Variants in BCAS1 observed in about 807,000 individuals in gnomAD.
BCAS1 encodes the protein brain enriched myelin associated protein 1.
In BCAS1, 46 loss-of-function variants were observed where a neutral mutation model predicts 65.4. The observed-to-expected ratio is 0.70, with a 90% CI of 0.55 to 0.90. The LOEUF (loss-of-function observed/expected upper bound fraction) is 0.90, where lower values mean the gene tolerates loss of function less well. Ranked by LOEUF, BCAS1 falls within the 40% of genes least tolerant of loss-of-function variation. The pLI is 0.00. For missense variants in BCAS1, 793 were observed against 771.2 expected (o/e 1.03, Z -0.33); for synonymous variants, 298 against 293.5 (o/e 1.02, Z -0.16).
chr20:54,058,668 T>G lies in BCAS1; in HGVS notation c.51A>C (p.Glu17Asp), dbSNP rs753741280. ...CTACCTGGTAAGTCTCTGCTTCTGG[T>G]TCATTCTCTTGGTCTTCAACTCTTT... ...VPQRVEDQEN[E>D]PEAETYQDNA... The change falls in exon 2 of 13, where the codon GAA (glutamate) becomes GAC (aspartate). Residue 17 changes from glutamate to aspartate, a missense_variant. By Grantham distance (45) the Glu-to-Asp change is conservative. Transcript: ENST00000688948. 6.2e-7 allele frequency: 1 copy of G among 1,607,480 alleles called. No individual in the cohort carries two copies. The highest frequency in any genetic ancestry group is 2.2e-5 in the East Asian group (1 of 44,602).
At chr20:54,051,605 C>T (rs2092213532) in intron 3 of BCAS1, among the ~76,000 whole-genome samples, 1 of 152,226 alleles carries the variant, frequency 6.6e-6, no homozygotes, top group Admixed American at 6.5e-5. Context: ...AGCAAAAGAA[C>T]TGGTTGAGCA....
intron 5 of BCAS1, 63 bp downstream of exon 5, chr20:53,995,829 T>C: frequency 6.8e-7 from 1 of 1,477,158 alleles, no homozygotes; most frequent in Non-Finnish European, 9.1e-7. Flanking sequence ...TGTGCATTAT[T>C]CTTAGAATTA....
chr20:53,969,354 C>T (rs1021680954), intron 9 of BCAS1, among the ~76,000 whole-genome samples: 5 of 151,996 alleles, frequency 3.3e-5, no homozygotes, highest in Admixed American at 3.3e-4. Context: ...ATGCACATAT[C>T]CAATATTTAG....
intron 3 of BCAS1, among the ~76,000 whole-genome samples, chr20:54,049,270 A>C (rs1245422494): frequency 6.6e-6 from 1 of 152,236 alleles, no homozygotes. Context: ...AGGAGCAAAA[A>C]AGGAAAATAC....
At position 53,953,435 on chromosome 20, in the gene BCAS1, G is replaced by A; in HGVS notation, c.1812C>T (p.Gly604=). Residue 604 remains glycine, a synonymous_variant, in exon 12 of 13, where the codon GGC becomes GGT. Transcript: ENST00000688948. Reference sequence around the variant, plus strand: ...GAGGCAAAAAAAATCCACCTACCAGGCCTTTAAAGAAGCCCCCAAGGGACT... The same window carrying A: ...GAGGCAAAAAAAATCCACCTACCAGACCTTTAAAGAAGCCCCCAAGGGACT... ...RQQSLGGFFK[G]LGPKRMLDAQ... is the part of the protein sequence containing the mutation. 1 of 1,613,838 alleles carries A rather than the reference G, an allele frequency of 6.2e-7. No individual in the cohort carries two copies. The highest frequency in any genetic ancestry group is 8.5e-7 in the Non-Finnish European group (1 of 1,179,986).
intron 4 of BCAS1, among the ~76,000 whole-genome samples, chr20:54,009,191 T>C (rs998291942): frequency 1.3e-5 from 2 of 151,840 alleles, no homozygotes; most frequent in Non-Finnish European, 1.5e-5. Flanking sequence ...AATGAAAAAA[T>C]AGAAAGCCCC....
At chr20:54,057,812 G>A (rs1862913110) in intron 3 of BCAS1, among the ~76,000 whole-genome samples, 1 of 152,224 alleles carries the variant, frequency 6.6e-6, no homozygotes. Context: ...GCCAATGAGA[G>A]GGGCGTGGAA....
At chr20:53,989,321 A>C (rs1477639) in intron 7 of BCAS1, among the ~76,000 whole-genome samples, 21,343 of 152,084 alleles carry the variant, frequency 0.14, 1,732 homozygotes, top group South Asian at 0.21. Flanking sequence ...CAAGGGCATG[A>C]CCCTACTACA....
intron 3 of BCAS1, among the ~76,000 whole-genome samples, chr20:54,051,721 T>TTTTTG (rs1555881094): frequency 1.4e-4 from 20 of 138,000 alleles, no homozygotes; most frequent in African/African-American, 4.7e-4. Flanking sequence ...CTGGTTTTTT[T>TTTTTG]TTTGTTTGTT....
intron 1 of BCAS1, among the ~76,000 whole-genome samples, chr20:54,063,424 C>G (rs2092399593): frequency 6.6e-6 from 1 of 152,202 alleles, no homozygotes; most frequent in Non-Finnish European, 1.5e-5. Flanking sequence ...ATGATCCTTG[C>G]TCTTTGAAGC....
chr20:53,979,346 C>T (rs1005296871), intron 8 of BCAS1, among the ~76,000 whole-genome samples: 1 of 152,126 alleles, frequency 6.6e-6, no homozygotes, highest in Non-Finnish European at 1.5e-5. Context: ...GTGCTGGTGG[C>T]TGGTAGAACA....
intron 10 of BCAS1, among the ~76,000 whole-genome samples, chr20:53,962,785 T>G (rs1015570454): frequency 6.6e-6 from 1 of 152,206 alleles, no homozygotes; most frequent in African/African-American, 2.4e-5. Context: ...AATGCACTGT[T>G]AGGACTTACA....
chr20:53,965,111 C>T (rs1470840968), intron 10 of BCAS1, among the ~76,000 whole-genome samples: 1 of 152,160 alleles, frequency 6.6e-6, no homozygotes, highest in Non-Finnish European at 1.5e-5. Flanking sequence ...TGCCAAATTG[C>T]AGATCAAATG....
chr20:54,011,287 A>C (rs188368049), intron 4 of BCAS1, among the ~76,000 whole-genome samples: 82 of 152,314 alleles, frequency 5.4e-4, no homozygotes, highest in Admixed American at 2.7e-3. Context: ...AAAAGATGAA[A>C]AGAGAAACTA....
At chr20:54,057,116 A>C (rs916443298) in intron 3 of BCAS1, among the ~76,000 whole-genome samples, 2 of 152,204 alleles carry the variant, frequency 1.3e-5, no homozygotes, top group African/African-American at 4.8e-5. Flanking sequence ...ACCACCCTGG[A>C]AGCATTGAAT....
chr20:54,010,383 T>C (rs1219222450), intron 4 of BCAS1, among the ~76,000 whole-genome samples: 5 of 152,238 alleles, frequency 3.3e-5, no homozygotes, highest in Non-Finnish European at 7.4e-5. Flanking sequence ...GAATTAATAA[T>C]TGAGTTCAGC....
intron 7 of BCAS1, among the ~76,000 whole-genome samples, chr20:53,987,869 G>C (rs1028732448): frequency 6.6e-6 from 1 of 152,156 alleles, no homozygotes; most frequent in African/African-American, 2.4e-5. Flanking sequence ...TCCACGCACA[G>C]GGAACAACTG....
chr20:54,026,351 G>T (rs2091673376), intron 4 of BCAS1, among the ~76,000 whole-genome samples: 1 of 152,158 alleles, frequency 6.6e-6, no homozygotes, highest in Non-Finnish European at 1.5e-5. Context: ...AAAGAAAGCT[G>T]AGTTAATAAA....
intron 1 of BCAS1, chr20:54,068,515 T>G (rs985620917): frequency 2.0e-5 from 3 of 153,368 alleles, no homozygotes; most frequent in African/African-American, 7.2e-5. Context: ...ACCCTTGCCC[T>G]GACCCTGGTG....
Sources: allele counts gnomAD v4.1 joint callset (sites outside exome capture counted in the v4.1 genomes callset), GRCh38; gene constraint gnomAD v4.1.1; transcripts MANE v1.5; gene names NCBI Gene and HGNC (gene_info 2026-07-23, HGNC 2026-07-21).